CAPZB: variants seen among roughly 807,000 people sequenced by gnomAD.
CAPZB encodes F-actin-capping protein subunit beta.
A neutral mutation model predicts 38.1 loss-of-function variants in CAPZB; 2 were observed. The observed-to-expected ratio is 0.05, with a 90% CI of 0.02 to 0.17. The LOEUF (loss-of-function observed/expected upper bound fraction) is 0.17, where lower values mean the gene tolerates loss of function less well. Among genes scored for constraint, CAPZB ranks in the 10% least tolerant of loss-of-function variants. The pLI is 1.00. For missense variants in CAPZB, 161 were observed against 334.2 expected (o/e 0.48, Z 4.04); for synonymous variants, 107 against 127.4 (o/e 0.84, Z 1.08).
At chr1:19,470,467 A>T (rs2094583312) in intron 1 of CAPZB, among the ~76,000 whole-genome samples, 1 of 152,194 alleles carries the variant, frequency 6.6e-6, no homozygotes, top group South Asian at 2.1e-4. Context: ...ACAATGTCCT[A>T]TTTGGAAAAT....
chr1:19,484,146 A>C, intron 1 of CAPZB: 2 of 1,586,432 alleles, frequency 1.3e-6, no homozygotes, highest in Middle Eastern at 1.7e-4. Flanking sequence ...ACCAAAACAA[A>C]CACCACGAGC....
chr1:19,373,181 G>A (rs1446421550), intron 4 of CAPZB, among the ~76,000 whole-genome samples: 1 of 152,060 alleles, frequency 6.6e-6, no homozygotes, highest in Admixed American at 6.6e-5. Flanking sequence ...GCAGAGGCAG[G>A]GCAAGCCAGG....
chr1:19,398,659 C>T (rs1390091680), intron 2 of CAPZB, among the ~76,000 whole-genome samples: 4 of 152,086 alleles, frequency 2.6e-5, no homozygotes, highest in East Asian at 3.9e-4. Flanking sequence ...TCAGGTTTTG[C>T]TGTAATTTCA....
chr1:19,453,351 T>C (rs745348770), intron 1 of CAPZB, among the ~76,000 whole-genome samples: 11 of 152,148 alleles, frequency 7.2e-5, no homozygotes, highest in Admixed American at 3.3e-4. Flanking sequence ...AGCCTCCACC[T>C]CCCAGGTTCA....
At chr1:19,473,206 C>T (rs912017877) in intron 1 of CAPZB, among the ~76,000 whole-genome samples, 10 of 152,130 alleles carry the variant, frequency 6.6e-5, no homozygotes, top group South Asian at 2.1e-4. Flanking sequence ...AGGGTGCCTG[C>T]GAGGGACAAG....
chr1:19,469,955 G>A (rs1179819001), intron 1 of CAPZB, among the ~76,000 whole-genome samples: 3 of 152,136 alleles, frequency 2.0e-5, no homozygotes, highest in East Asian at 1.9e-4. Context: ...CTACAACACC[G>A]TCTTCACATG....
At chr1:19,457,005 C>G (rs1014555848) in intron 1 of CAPZB, among the ~76,000 whole-genome samples, 5 of 152,282 alleles carry the variant, frequency 3.3e-5, no homozygotes, top group African/African-American at 9.6e-5. Context: ...GAGATTAGCT[C>G]TGTGTGTGTT....
intron 1 of CAPZB, among the ~76,000 whole-genome samples, chr1:19,429,288 A>C (rs2094434545): frequency 2.0e-5 from 3 of 152,164 alleles, no homozygotes; most frequent in South Asian, 4.1e-4. Flanking sequence ...TCAAACAAAA[A>C]AAAAAAAGAA....
intron 1 of CAPZB, among the ~76,000 whole-genome samples, chr1:19,470,310 C>A (rs758505697): frequency 2.6e-4 from 39 of 152,304 alleles, no homozygotes; most frequent in Non-Finnish European, 5.0e-4. Context: ...TGTCTTGTTA[C>A]GATGATTCCT....
intron 1 of CAPZB, among the ~76,000 whole-genome samples, chr1:19,446,950 A>G (rs1461432670): frequency 6.6e-6 from 1 of 152,050 alleles, no homozygotes; most frequent in African/African-American, 2.4e-5. Flanking sequence ...GATTTTGTCA[A>G]TTTTACCCTC....
chr1:19,382,305 G>A (rs2094179826), intron 3 of CAPZB, among the ~76,000 whole-genome samples: 1 of 152,154 alleles, frequency 6.6e-6, no homozygotes, highest in Non-Finnish European at 1.5e-5. Flanking sequence ...AGTGGAAGGG[G>A]CACTCAGAAC....
chr1:19,362,663 G>GA (rs369603390), intron 4 of CAPZB, among the ~76,000 whole-genome samples: 48 of 148,606 alleles, frequency 3.2e-4, no homozygotes, highest in Middle Eastern at 6.9e-3. Context: ...AAAAAAGAAA[G>GA]AAAAAAAAAA....
intron 2 of CAPZB, among the ~76,000 whole-genome samples, chr1:19,394,964 C>T (rs1012007670): frequency 1.3e-5 from 2 of 152,272 alleles, no homozygotes; most frequent in Non-Finnish European, 2.9e-5. Flanking sequence ...CAGCTCCCCA[C>T]AAGCCCTGTG....
In CAPZB at chr1:19,339,335, A is replaced by G. The variant is rs2100209337; in HGVS notation, c.*195T>C. 4 of 630,358 alleles carry G rather than the reference A, an allele frequency of 6.3e-6. No homozygotes were observed. The South Asian group carries it at 7.4e-5, about 12-fold the overall frequency. The allele number at this position is 630,358 out of a possible 1,614,324, so 39.0% of individuals were successfully genotyped here. ...GAGAGAACTGAGAGCGAGGTGTGGC[A>G]GAAGCAGGCTCGGAGCCGGAGGAGG... On this transcript the variant is annotated 3_prime_UTR_variant, in exon 9 of 9. Transcript: ENST00000264202.
At chr1:19,345,977 T>C (rs1034657616) in intron 6 of CAPZB, among the ~76,000 whole-genome samples, 3 of 152,218 alleles carry the variant, frequency 2.0e-5, no homozygotes, top group Non-Finnish European at 4.4e-5. Context: ...CAGGAAGAGC[T>C]GGCTCTGACC....
chr1:19,418,174 CACAA>C (rs1480193212), intron 2 of CAPZB, among the ~76,000 whole-genome samples: 5 of 135,296 alleles, frequency 3.7e-5, no homozygotes, highest in African/African-American at 1.1e-4. Context: ...AACCACCACA[CACAA>C]ACAAACCAGG....
intron 1 of CAPZB, among the ~76,000 whole-genome samples, chr1:19,451,973 C>A (rs1047224299): frequency 6.6e-6 from 1 of 151,984 alleles, no homozygotes; most frequent in Non-Finnish European, 1.5e-5. Flanking sequence ...TTTATTATTT[C>A]TCTCCACCCA....
chr1:19,439,043 T>A (rs2094467375), intron 1 of CAPZB, among the ~76,000 whole-genome samples: 1 of 152,222 alleles, frequency 6.6e-6, no homozygotes, highest in African/African-American at 2.4e-5. Flanking sequence ...GTTGTAAACA[T>A]CACAGAGCTC....
At chr1:19,422,667 G>A (rs1278630387) in intron 1 of CAPZB, among the ~76,000 whole-genome samples, 2 of 151,916 alleles carry the variant, frequency 1.3e-5, no homozygotes, top group African/African-American at 4.8e-5. Flanking sequence ...AACCCGGGAG[G>A]CAGAGCTTGC....
Sources: allele counts gnomAD v4.1 joint callset (sites outside exome capture counted in the v4.1 genomes callset), GRCh38; gene constraint gnomAD v4.1.1; transcripts MANE v1.5; gene names NCBI Gene and HGNC (gene_info 2026-07-23, HGNC 2026-07-21).